ZNF577: variants seen among roughly 807,000 people sequenced by gnomAD.
ZNF577 encodes the protein zinc finger protein 577.
A neutral mutation model predicts 13.9 loss-of-function variants in ZNF577; 14 were observed. The ratio of observed to expected loss-of-function variants is 1.00; its 90% confidence interval spans 0.66 to 1.57. The LOEUF (loss-of-function observed/expected upper bound fraction) is 1.57, where lower values mean the gene tolerates loss of function less well. ZNF577 is among the 40% of genes most tolerant of loss of function. The pLI is 0.00. For synonymous variants in ZNF577, 203 were observed against 202.9 expected (o/e 1.00, Z 0.00); for missense variants, 555 against 579.2 (o/e 0.96, Z 0.43).
At chr19:51,839,186 G>A (rs920036449) in intron 9 of ZNF577, among the ~76,000 whole-genome samples, 2 of 151,928 alleles carry the variant, frequency 1.3e-5, no homozygotes, top group African/African-American at 2.4e-5. Context: ...TAGCAAAATC[G>A]GCATAAAGAA....
chr19:51,805,234 CG>C (rs2084050695), exon 11 of ZNF577: 1 of 152,134 alleles, frequency 6.6e-6, no homozygotes, highest in Non-Finnish European at 1.5e-5. Context: ...CTCCGATTGG[CG>C]GTCCATCCGA....
At chr19:51,849,830 G>A (rs986826846) in intron 5 of ZNF577, among the ~76,000 whole-genome samples, 1 of 152,140 alleles carries the variant, frequency 6.6e-6, no homozygotes, top group African/African-American at 2.4e-5. Flanking sequence ...CTATCAACTG[G>A]TGCAGATAAA....
downstream of ZNF577, among the ~76,000 whole-genome samples, chr19:51,865,214 A>G (rs8106929): frequency 0.28 from 42,465 of 151,830 alleles, 8,588 homozygotes; most frequent in African/African-American, 0.56. Flanking sequence ...CTCCAACCGC[A>G]CCTCTGGAGT....
intron 9 of ZNF577, among the ~76,000 whole-genome samples, chr19:51,822,981 G>A (rs928774599): frequency 2.6e-5 from 4 of 152,050 alleles, no homozygotes; most frequent in African/African-American, 9.7e-5. Flanking sequence ...TCCTGCCTCA[G>A]CCTCCTAAGT....
At chr19:51,877,053 C>T (rs1568448827) in intron 5 of ZNF577, among the ~76,000 whole-genome samples, 1 of 151,942 alleles carries the variant, frequency 6.6e-6, no homozygotes, top group Non-Finnish European at 1.5e-5. Flanking sequence ...TCAAGGTCTT[C>T]GATGACATGG....
chr19:51,841,895 A>G (rs1377256926), intron 8 of ZNF577, among the ~76,000 whole-genome samples: 2 of 152,236 alleles, frequency 1.3e-5, no homozygotes, highest in African/African-American at 4.8e-5. Flanking sequence ...ATAACAAACA[A>G]AAAACAATGA....
At chr19:51,828,286 T>G (rs913643141) in intron 9 of ZNF577, among the ~76,000 whole-genome samples, 3 of 151,684 alleles carry the variant, frequency 2.0e-5, no homozygotes. Context: ...GAGAATTGTT[T>G]GAACCTGGGA....
chr19:51,857,428 AAAG>A (rs1461318070), intron 5 of ZNF577, among the ~76,000 whole-genome samples: 2 of 146,934 alleles, frequency 1.4e-5, no homozygotes, highest in Non-Finnish European at 3.0e-5. Flanking sequence ...GAAAGAAAGA[AAAG>A]AAAAAACAAA....
At chr19:51,880,065 G>A (rs867429167) in intron 3 of ZNF577, among the ~76,000 whole-genome samples, 2 of 152,164 alleles carry the variant, frequency 1.3e-5, no homozygotes, top group Non-Finnish European at 2.9e-5. Flanking sequence ...CATTCTACTG[G>A]ATACTCCAGG....
At chr19:51,818,749 C>A (rs1205684949) in intron 9 of ZNF577, among the ~76,000 whole-genome samples, 1 of 152,164 alleles carries the variant, frequency 6.6e-6, no homozygotes, top group African/African-American at 2.4e-5. Context: ...ATGGGTCCAG[C>A]ACAGTGTGTC....
At chr19:51,815,526 G>A (rs945673020) in intron 9 of ZNF577, among the ~76,000 whole-genome samples, 14 of 149,958 alleles carry the variant, frequency 9.3e-5, no homozygotes, top group Admixed American at 2.0e-4. Context: ...CCAAGATCCC[G>A]CCACTGCACT....
chr19:51,841,065 T>G (rs2122541346), intron 8 of ZNF577: 1 of 152,310 alleles, frequency 6.6e-6, no homozygotes, highest in East Asian at 1.9e-4. Context: ...CCCCCCACCA[T>G]TTCACAAAAC....
At chr19:51,843,838 G>A (rs2084334481) in intron 6 of ZNF577, among the ~76,000 whole-genome samples, 1 of 152,196 alleles carries the variant, frequency 6.6e-6, no homozygotes, top group Non-Finnish European at 1.5e-5. Context: ...ATGATTAGTA[G>A]TGCGTTCTAA....
exon 11 of ZNF577, chr19:51,804,829 T>C: frequency 6.6e-6 from 1 of 151,990 alleles, no homozygotes. Flanking sequence ...GAAGAAGGGG[T>C]CCGGGGGCAC....
intron 9 of ZNF577, among the ~76,000 whole-genome samples, chr19:51,819,985 G>T (rs981021917): frequency 6.6e-6 from 1 of 152,134 alleles, no homozygotes; most frequent in Non-Finnish European, 1.5e-5. Context: ...GGAAGTCACT[G>T]GGAAAAAGAA....
At chr19:51,805,898 G>A (rs61556628) in intron 10 of ZNF577, among the ~76,000 whole-genome samples, 4,707 of 152,108 alleles carry the variant, frequency 0.031, 263 homozygotes, top group African/African-American at 0.11. Context: ...CCCAAGCCTC[G>A]GACAGATTAA....
intron 5 of ZNF577, chr19:51,860,696 G>T (rs971546952): frequency 9.7e-6 from 2 of 205,882 alleles, no homozygotes; most frequent in African/African-American, 4.8e-5. Flanking sequence ...TGAGTTTGCT[G>T]ATATAATTAG....
intron 9 of ZNF577, among the ~76,000 whole-genome samples, chr19:51,815,595 C>T (rs995634494): frequency 3.3e-5 from 5 of 150,338 alleles, no homozygotes; most frequent in Admixed American, 3.3e-4. Flanking sequence ...ACACCAGGCA[C>T]GGTGGCTCAC....
chr19:51,887,370 T>C lies in ZNF577; in HGVS notation c.-768A>G, dbSNP rs866513274. 1.5e-4 allele frequency: 23 copies of C among 152,140 alleles called. No individual in the cohort carries two copies. Among genetic ancestry groups the C allele is most frequent in the Non-Finnish European group, 2.9e-4 (20 of 68,040 alleles). The allele number at this position is 152,140 out of a possible 1,614,324, so 9.4% of individuals were successfully genotyped here. The stretch of plus-strand genomic sequence containing the variant: ...ATTATACCAATACCTAGACACCTGA[T>C]CCCAACATTAAACATGAAATACACT... On this transcript the variant is annotated 5_prime_UTR_variant, in exon 1 of 6. Transcript: ENST00000638348.
Sources: allele counts gnomAD v4.1 joint callset (sites outside exome capture counted in the v4.1 genomes callset), GRCh38; gene constraint gnomAD v4.1.1; transcripts MANE v1.5; gene names NCBI Gene and HGNC (gene_info 2026-07-23, HGNC 2026-07-21).